EXOC2: variants seen among roughly 807,000 people sequenced by gnomAD.
The protein encoded by EXOC2 is exocyst complex component 2.
EXOC2 carries 70 observed loss-of-function variants against 131.8 expected under a neutral mutation model. The observed-to-expected ratio is 0.53, with a 90% CI of 0.44 to 0.65. The LOEUF is 0.65. EXOC2 is among the 30% of genes least tolerant of loss of function. EXOC2 has a pLI of 0.00. For synonymous variants in EXOC2, 411 were observed against 398.4 expected (o/e 1.03, Z -0.38); for missense variants, 923 against 1,108.6 (o/e 0.83, Z 2.38).
At chr6:528,119 GACA>G (rs1159912121) in intron 23 of EXOC2, among the ~76,000 whole-genome samples, 1 of 151,918 alleles carries the variant, frequency 6.6e-6, no homozygotes, top group Non-Finnish European at 1.5e-5. Flanking sequence ...ATAAAGAGGT[GACA>G]ACAATTTAAA....
At chr6:671,419 C>T (rs781764969) in intron 1 of EXOC2, among the ~76,000 whole-genome samples, 38 of 151,992 alleles carry the variant, frequency 2.5e-4, no homozygotes, top group African/African-American at 5.8e-4. Context: ...ATTCCACATC[C>T]GTATCATTCA....
At chr6:572,377 T>C (rs1758333468) in intron 13 of EXOC2, 143 bp downstream of exon 13, 8 of 1,062,520 alleles carry the variant, frequency 7.5e-6, no homozygotes, top group South Asian at 1.9e-5. Context: ...GAGGGCTTTA[T>C]AATGCTTTAA....
chr6:635,020 G>A (rs2143329), intron 2 of EXOC2, among the ~76,000 whole-genome samples: 102,455 of 152,106 alleles, frequency 0.67, 34,962 homozygotes, highest in Middle Eastern at 0.83. Flanking sequence ...TTGACAGTAG[G>A]TATTTTGGTA....
chr6:538,488 T>C (rs1175674271), intron 22 of EXOC2, among the ~76,000 whole-genome samples: 1 of 152,140 alleles, frequency 6.6e-6, no homozygotes, highest in Non-Finnish European at 1.5e-5. Context: ...AAGTGATGTG[T>C]TTAAGGAATG....
intron 1 of EXOC2, chr6:655,909 AC>A (rs1208105627): frequency 1.9e-5 from 9 of 485,864 alleles, no homozygotes; most frequent in African/African-American, 1.9e-5. Context: ...AACCTGACAA[AC>A]CCAATAAACA....
chr6:493,046 G>C (rs1486807078), intron 25 of EXOC2, among the ~76,000 whole-genome samples: 1 of 152,216 alleles, frequency 6.6e-6, no homozygotes. Context: ...ATGTTCTGAA[G>C]TAGGTGCCCA....
intron 1 of EXOC2, among the ~76,000 whole-genome samples, chr6:668,541 C>T (rs1241254097): frequency 6.6e-6 from 1 of 152,202 alleles, no homozygotes; most frequent in Admixed American, 6.5e-5. Context: ...ATTCAGTCAT[C>T]ACTTTCTGTG....
intron 1 of EXOC2, among the ~76,000 whole-genome samples, chr6:638,988 C>T (rs937867303): frequency 2.0e-5 from 3 of 152,014 alleles, no homozygotes; most frequent in African/African-American, 4.8e-5. Flanking sequence ...GTGCTCAGGG[C>T]TTCAGATGCC....
chr6:671,104 C>A (rs1471609292), intron 1 of EXOC2, among the ~76,000 whole-genome samples: 3 of 149,976 alleles, frequency 2.0e-5, no homozygotes, highest in Non-Finnish European at 3.0e-5. Flanking sequence ...CGCCTGTAAT[C>A]CCAACACTTC....
rs1325630855 is a variant in EXOC2 at position 693,133 on chromosome 6, A to G, written c.-158T>C. 6.6e-6 allele frequency: 1 copy of G among 152,240 alleles called. No individual in the cohort carries two copies. Among genetic ancestry groups the G allele is most frequent in the Non-Finnish European group, 1.5e-5 (1 of 68,148 alleles). 9.4% of individuals were successfully genotyped at this position (152,240 alleles called of 1,614,324 possible). ...TCACTTCCGCCCGCCGCGAGCGCCG[A>G]GCGTGTAGATCCGCCTGGCAGTCGA... On this transcript the variant is annotated 5_prime_UTR_variant, in exon 1 of 28. Transcript: ENST00000230449.
chr6:554,574 A>C (rs1757321155), intron 20 of EXOC2, among the ~76,000 whole-genome samples: 1 of 152,252 alleles, frequency 6.6e-6, no homozygotes, highest in Non-Finnish European at 1.5e-5. Flanking sequence ...ACTGAAAAGC[A>C]AAAGCCAAAA....
chr6:623,151 T>C (rs1398892335), intron 4 of EXOC2, among the ~76,000 whole-genome samples: 1 of 152,162 alleles, frequency 6.6e-6, no homozygotes, highest in Admixed American at 6.5e-5. Flanking sequence ...GAACATCCCG[T>C]GCACCACAGG....
At position 610,193 on chromosome 6, in the gene EXOC2, C is replaced by T; in HGVS notation, c.662-15G>A. ...TTGATGGATGGCTAGAAAAAAAAAT[C>T]TAGTTAAAATGTAGGCCATTTTAAT... On this transcript the variant is annotated splice_polypyrimidine_tract_variant and intron_variant, in intron 6 of 27. Transcript: ENST00000230449. 1 of 1,606,552 alleles carries T rather than the reference C, an allele frequency of 6.2e-7. No homozygotes were observed. The highest frequency in any genetic ancestry group is 2.2e-5 in the East Asian group (1 of 44,804).
At chr6:530,719 T>C (rs1446773673) in intron 23 of EXOC2, among the ~76,000 whole-genome samples, 2 of 152,092 alleles carry the variant, frequency 1.3e-5, no homozygotes. Flanking sequence ...GCACAGGGAG[T>C]ACTGCTGGCC....
chr6:514,311 A>C (rs1042058864), intron 23 of EXOC2, among the ~76,000 whole-genome samples: 6 of 152,206 alleles, frequency 3.9e-5, no homozygotes, highest in Non-Finnish European at 8.8e-5. Context: ...TTCTGGGGTT[A>C]GTTTTTGCTG....
At chr6:644,963 C>T (rs1280529601) in intron 1 of EXOC2, among the ~76,000 whole-genome samples, 1 of 152,066 alleles carries the variant, frequency 6.6e-6, no homozygotes, top group East Asian at 1.9e-4. Flanking sequence ...TTGTCAAGGT[C>T]ATTCTAAAAT....
intron 1 of EXOC2, among the ~76,000 whole-genome samples, chr6:664,654 T>C (rs748051439): frequency 7.2e-5 from 11 of 152,144 alleles, no homozygotes; most frequent in Non-Finnish European, 1.6e-4. Flanking sequence ...AGCCAACTGA[T>C]CCTTGACAAA....
At chr6:665,750 A>C (rs1159268928) in intron 1 of EXOC2, among the ~76,000 whole-genome samples, 1 of 151,306 alleles carries the variant, frequency 6.6e-6, no homozygotes, top group Non-Finnish European at 1.5e-5. Flanking sequence ...AGGCATGAGA[A>C]TGATACAATG....
chr6:511,204 C>T (rs1367071382), intron 23 of EXOC2, among the ~76,000 whole-genome samples: 2 of 152,212 alleles, frequency 1.3e-5, no homozygotes, highest in Non-Finnish European at 2.9e-5. Context: ...CAGTGCCGTG[C>T]CTGCTGCTGA....
Sources: gnomAD v4.1 joint callset for allele counts (sites outside exome capture counted in the v4.1 genomes callset) on GRCh38, gnomAD v4.1.1 for gene constraint, MANE v1.5 for transcripts, NCBI Gene and HGNC (gene_info 2026-07-23, HGNC 2026-07-21) for gene names.